LZTS1: variants seen among roughly 807,000 people sequenced by gnomAD.
LZTS1 encodes the protein leucine zipper putative tumor suppressor 1.
A neutral mutation model predicts 45.8 loss-of-function variants in LZTS1; 31 were observed. That is an observed-to-expected ratio of 0.68 (90% CI 0.51 to 0.91). LZTS1 has a LOEUF of 0.91. Ranked by LOEUF, LZTS1 falls within the 40% of genes least tolerant of loss-of-function variation. LZTS1 has a pLI of 0.00. For synonymous variants in LZTS1, 359 were observed against 357.3 expected (o/e 1.00, Z -0.05); for missense variants, 821 against 788.9 (o/e 1.04, Z -0.49).
chr8:20,267,107 C>CA (rs11379373), intron 1 of LZTS1, among the ~76,000 whole-genome samples: 47,236 of 109,194 alleles, frequency 0.43, 9,186 homozygotes, highest in East Asian at 0.53. Context: ...GACTCCATCT[C>CA]AAAAAAAAAA....
At position 20,249,764 on chromosome 8, in the gene LZTS1, C is replaced by A. The variant is rs780368577; in HGVS notation, c.1749G>T (p.Gly583=). 6.2e-6 allele frequency: 10 copies of A among 1,612,592 alleles called. No homozygotes were observed. In the South Asian group the frequency reaches 8.8e-5, roughly 14 times the overall value. The change falls in exon 4 of 4, where the codon GGG becomes GGT. Residue 583 remains glycine, a synonymous_variant. Transcript: ENST00000381569. ...TGATGTCCTCGTAGGGGATGTCAGC[C>A]CCTTCCAGGTCAACCTCCAAGGGCT... ...AGEPLEVDLE[G]ADIPYEDIIA...
At chr8:20,281,249 G>A (rs541100826) in intron 1 of LZTS1, among the ~76,000 whole-genome samples, 6 of 152,124 alleles carry the variant, frequency 3.9e-5, no homozygotes, top group East Asian at 3.9e-4. Flanking sequence ...TTAGGTCACC[G>A]GGGTGGATCC....
intron 1 of LZTS1, among the ~76,000 whole-genome samples, chr8:20,265,303 C>A (rs1363280103): frequency 1.3e-5 from 2 of 152,152 alleles, no homozygotes. Flanking sequence ...CACATTGTCC[C>A]CCAGGGTAGC....
In LZTS1 at chr8:20,252,772, G is replaced by T; in HGVS notation, c.1149+10C>A. On this transcript the variant is annotated intron_variant, in intron 3 of 3. Coordinates refer to ENST00000381569, the MANE Select transcript of LZTS1 (RefSeq NM_021020.5). Reference sequence around the variant, plus strand: ...GACCACCCAAACCCATGAGCCCTGTGTGGCCTCACCTCCCACTGGGTCTCC... The same window carrying T: ...GACCACCCAAACCCATGAGCCCTGTTTGGCCTCACCTCCCACTGGGTCTCC... 6.6e-7 allele frequency: 1 copy of T among 1,508,734 alleles called. No homozygotes were observed. 93.5% of individuals were successfully genotyped at this position (1,508,734 alleles called of 1,614,324 possible).
At chr8:20,280,589 G>A (rs1800669801) in intron 1 of LZTS1, among the ~76,000 whole-genome samples, 1 of 152,238 alleles carries the variant, frequency 6.6e-6, no homozygotes, top group Non-Finnish European at 1.5e-5. Context: ...CCGCCTGAAT[G>A]TGGAACTGCC....
intron 1 of LZTS1, among the ~76,000 whole-genome samples, chr8:20,301,900 TTAAC>T (rs1166894989): frequency 2.0e-5 from 3 of 152,150 alleles, no homozygotes; most frequent in Admixed American, 6.5e-5. Flanking sequence ...GCTATAAATG[TTAAC>T]TAACAACCAT....
chr8:20,302,732 G>A (rs1203515905), intron 1 of LZTS1, among the ~76,000 whole-genome samples: 1 of 152,196 alleles, frequency 6.6e-6, no homozygotes, highest in Non-Finnish European at 1.5e-5. Context: ...ACGGTGTGGA[G>A]GGAATAAGTG....
rs1348286942 is a variant in LZTS1, at chr8:20,303,946, A to G, written c.-341T>C. 9 of 975,150 alleles carry G rather than the reference A, an allele frequency of 9.2e-6. No homozygotes were observed. Among genetic ancestry groups the G allele is most frequent in the Non-Finnish European group, 1.1e-5 (9 of 822,258 alleles). 60.4% of individuals were successfully genotyped at this position (975,150 alleles called of 1,614,324 possible). ...CGGCCGCTGCCAACCCGCCAGCTCC[A>G]GGCGCGCCGGCCTCTGCGCGGGTCC... is the stretch of plus-strand genomic sequence containing the variant. On this transcript the variant is annotated 5_prime_UTR_variant, in exon 1 of 4. Coordinates refer to ENST00000381569, the MANE Select transcript of LZTS1 (RefSeq NM_021020.5).
intron 1 of LZTS1, among the ~76,000 whole-genome samples, chr8:20,286,346 C>G (rs187451590): frequency 2.0e-5 from 3 of 152,214 alleles, no homozygotes; most frequent in Admixed American, 6.5e-5. Context: ...CAGGCTAGGA[C>G]ATGCTAATGG....
intron 3 of LZTS1, 53 bp downstream of exon 3, chr8:20,252,729 T>G (rs1585275063): frequency 2.8e-6 from 4 of 1,436,518 alleles, no homozygotes; most frequent in South Asian, 3.2e-5. Context: ...GAGAGGGGGG[T>G]ACTGGCGCCA....
intron 1 of LZTS1, among the ~76,000 whole-genome samples, chr8:20,288,131 G>C (rs1800825859): frequency 6.6e-6 from 1 of 152,082 alleles, no homozygotes; most frequent in Admixed American, 6.5e-5. Flanking sequence ...TTCTCAAAGA[G>C]GAGTGAAGCT....
At chr8:20,293,367 C>T (rs767900732) in intron 1 of LZTS1, among the ~76,000 whole-genome samples, 2 of 152,170 alleles carry the variant, frequency 1.3e-5, no homozygotes, top group Non-Finnish European at 2.9e-5. Context: ...CTTTCCCCAC[C>T]ACCTGCTCTT....
At chr8:20,270,621 G>C (rs1243191158) in intron 1 of LZTS1, among the ~76,000 whole-genome samples, 2 of 152,164 alleles carry the variant, frequency 1.3e-5, no homozygotes, top group Admixed American at 6.5e-5. Flanking sequence ...TTTGGACAGG[G>C]AAGAGGGAGA....
At chr8:20,285,996 C>T (rs1001340364) in intron 1 of LZTS1, among the ~76,000 whole-genome samples, 5 of 152,270 alleles carry the variant, frequency 3.3e-5, no homozygotes, top group South Asian at 2.1e-4. Flanking sequence ...CTACCACACA[C>T]GAATATTTCC....
rs1256469865 is a variant in LZTS1 at position 20,248,815 on chromosome 8, G to A, written c.*907C>T. ...GCCGCCGGCCAACGTGAAGCAGGTA[G>A]GGACTCCCAGCCTCTGGCCCCAGCT... On this transcript the variant is annotated 3_prime_UTR_variant, in exon 4 of 4. Coordinates refer to ENST00000381569, the MANE Select transcript of LZTS1 (RefSeq NM_021020.5). 1 of 152,526 alleles carries A rather than the reference G, an allele frequency of 6.6e-6. No homozygotes were observed. Among genetic ancestry groups the A allele is most frequent in the Non-Finnish European group, 1.5e-5 (1 of 68,084 alleles). 9.4% of individuals were successfully genotyped at this position (152,526 alleles called of 1,614,324 possible). A position where few individuals can be genotyped will look rare whatever the true frequency, so the allele number is the denominator to read the frequency against.
Position 20,252,952 on chromosome 8 carries a change from C to T in LZTS1, c.979G>A (p.Ala327Thr), listed in dbSNP as rs141696144. 78 of 1,592,870 alleles carry T rather than the reference C, an allele frequency of 4.9e-5. No individual in the cohort carries two copies. The highest frequency in any genetic ancestry group is 2.3e-4 in the Admixed American group (13 of 57,460). Residue 327 changes from alanine (A) to threonine (T), a missense_variant, in exon 3 of 4, where the codon GCG (alanine) becomes ACG (threonine). By Grantham distance (58) the Ala-to-Thr change is moderately conservative. Coordinates refer to ENST00000381569, the MANE Select transcript of LZTS1 (RefSeq NM_021020.5). ...LKQASQKSQR[A>T]QQVLHLQVLQ... ...ACCTGCAGGTGCAGGACCTGCTGCG[C>T]GCGCTGGCTCTTCTGCGAGGCCTGC... is the stretch of plus-strand genomic sequence containing the variant.
chr8:20,282,838 G>C (rs1038675615), intron 1 of LZTS1, among the ~76,000 whole-genome samples: 1 of 152,144 alleles, frequency 6.6e-6, no homozygotes, highest in Non-Finnish European at 1.5e-5. Flanking sequence ...TTACACCCTG[G>C]GGTTTTAAAG....
chr8:20,293,697 T>A (rs1169010964), intron 1 of LZTS1, among the ~76,000 whole-genome samples: 1 of 151,922 alleles, frequency 6.6e-6, no homozygotes, highest in Non-Finnish European at 1.5e-5. Context: ...CTTTGGGAGG[T>A]TGGACTGGGG....
intron 1 of LZTS1, among the ~76,000 whole-genome samples, chr8:20,262,699 C>T (rs1800261438): frequency 6.6e-6 from 1 of 152,160 alleles, no homozygotes. Flanking sequence ...GGAGACAAGA[C>T]ATTTTTGCTT....
Sources: gnomAD v4.1 joint callset for allele counts (sites outside exome capture counted in the v4.1 genomes callset) on GRCh38, gnomAD v4.1.1 for gene constraint, MANE v1.5 for transcripts, NCBI Gene and HGNC (gene_info 2026-07-23, HGNC 2026-07-21) for gene names.